Variants in TMEM94 observed in about 807,000 individuals in gnomAD.
TMEM94 encodes transmembrane protein 94, also known as ER Mg2+ ATPase.
A neutral mutation model predicts 158.6 loss-of-function variants in TMEM94; 81 were observed. The ratio of observed to expected loss-of-function variants is 0.51; its 90% confidence interval spans 0.43 to 0.61. TMEM94 has a LOEUF of 0.61. Ranked by LOEUF, TMEM94 falls within the 20% of genes least tolerant of loss-of-function variation. TMEM94 has a pLI of 0.00. For synonymous variants in TMEM94, 751 were observed against 730.7 expected (o/e 1.03, Z -0.45); for missense variants, 1,435 against 1,762.0 (o/e 0.81, Z 3.32).
chr17:75,478,681 C>T (rs1159110444), intron 2 of TMEM94, among the ~76,000 whole-genome samples: 1 of 152,212 alleles, frequency 6.6e-6, no homozygotes, highest in Non-Finnish European at 1.5e-5. Context: ...TTGCCTGCCT[C>T]TCCCGAGTCA....
chr17:75,498,559 G>A lies in TMEM94; in HGVS notation c.3733+21G>A. 1 of 1,612,548 alleles carries A rather than the reference G, an allele frequency of 6.2e-7. No homozygotes were observed. Among genetic ancestry groups the A allele is most frequent in the Non-Finnish European group, 8.5e-7 (1 of 1,179,298 alleles). The stretch of plus-strand genomic sequence containing the variant: ...CACTGGTGAGAGGGCTCCCTGGGAG[G>A]GCGTGGATGATGGTGGGAGAGGAGC... On this transcript the variant is annotated intron_variant, in intron 29 of 31. Coordinates refer to ENST00000314256, the MANE Select transcript of TMEM94 (RefSeq NM_014738.6). This position sits in a 1 kb window ranked among gnomAD's most constrained non-coding sequence, Gnocchi z 6.7.
intron 1 of TMEM94, among the ~76,000 whole-genome samples, chr17:75,461,315 A>G (rs987423161): frequency 1.3e-5 from 2 of 151,148 alleles, no homozygotes; most frequent in Non-Finnish European, 3.0e-5. Context: ...GGCCATGCTG[A>G]TGTCGAACTC....
chr17:75,493,575 C>G lies in TMEM94; in HGVS notation c.2171C>G (p.Pro724Arg), dbSNP rs906026248. The change falls in exon 17 of 32, where the codon CCT (proline) becomes CGT (arginine). Residue 724 changes from proline (P) to arginine (R), a missense_variant. Around this residue, in one of 3 missense-constraint regions of TMEM94, gnomAD observed 1,051 missense variants for 1,254.4 expected, o/e 0.84. Transcript: ENST00000314256. ...TTCTGGGACGGAGCTGACATCTACC[C>G]TCTCTCGGGATCTGACAGGTGGGTG... ...TDFWDGADIY[P>R]LSGSDRKKVL... The G allele has an allele frequency of 6.2e-7, 1 of 1,614,010 alleles. No individual in the cohort carries two copies. Among genetic ancestry groups the G allele is most frequent in the South Asian group, 1.1e-5 (1 of 91,084 alleles).
Position 75,498,317 on chromosome 17 carries a change from T to C in TMEM94, c.3632T>C (p.Leu1211Pro), listed in dbSNP as rs961712262. The change falls in exon 28 of 32, where the codon CTG becomes CCG. Residue 1211 changes from leucine to proline, a missense_variant. Transcript: ENST00000314256. This position sits in a 1 kb window ranked among gnomAD's most constrained non-coding sequence, Gnocchi z 6.7. ...RNLTNCSSVMLPSNDDRAPAW... is the reference protein window; with the variant it reads ...RNLTNCSSVMPPSNDDRAPAW... ...CTCACCAACTGCTCCTCCGTCATGC[T>C]GCCCAGGTGGGTCCCAGCCCCAGAG... 2.8e-5 allele frequency: 45 copies of C among 1,613,082 alleles called. No individual in the cohort carries two copies. The highest frequency in any genetic ancestry group is 3.7e-5 in the Non-Finnish European group (44 of 1,180,006).
chr17:75,498,576 G>A lies in TMEM94; in HGVS notation c.3733+38G>A. The A allele has an allele frequency of 1.2e-6, 2 of 1,612,930 alleles. No homozygotes were observed. Among genetic ancestry groups the A allele is most frequent in the South Asian group, 2.2e-5 (2 of 90,906 alleles). Reference sequence around the variant, plus strand: ...CCTGGGAGGGCGTGGATGATGGTGGGAGAGGAGCCCCACTGTGGAAGTCTG... The same window carrying A: ...CCTGGGAGGGCGTGGATGATGGTGGAAGAGGAGCCCCACTGTGGAAGTCTG... On this transcript the variant is annotated intron_variant, in intron 29 of 31. Transcript: ENST00000314256. This position sits in a 1 kb window ranked among gnomAD's most constrained non-coding sequence, Gnocchi z 6.7.
chr17:75,463,075 T>C (rs372012191), intron 1 of TMEM94, among the ~76,000 whole-genome samples: 3,500 of 16,656 alleles, frequency 0.21, 793 homozygotes, highest in Middle Eastern at 0.31. Flanking sequence ...TATATATATA[T>C]ATATACACAC....
At chr17:75,484,408 TG>T (rs1475927428) in intron 2 of TMEM94, among the ~76,000 whole-genome samples, 1 of 151,696 alleles carries the variant, frequency 6.6e-6, no homozygotes, top group Non-Finnish European at 1.5e-5. Flanking sequence ...TTTTTGTTGT[TG>T]TTTTTTTGAG....
rs1269005111 is a variant in TMEM94 at position 75,487,872 on chromosome 17, T to A, written c.410-60T>A. The A allele has an allele frequency of 4.2e-6, 6 of 1,444,428 alleles. No individual in the cohort carries two copies. The highest frequency in any genetic ancestry group is 4.6e-5 in the East Asian group (2 of 43,776). The allele number at this position is 1,444,428 out of a possible 1,614,324, so 89.5% of individuals were successfully genotyped here. A position where few individuals can be genotyped will look rare whatever the true frequency, so the allele number is the denominator to read the frequency against. ...CAGTGCTTCCGGAAGTGCTGCTGTA[T>A]CTGACTGGGGGGCAGGGCCGTGGCT... On this transcript the variant is annotated intron_variant, in intron 5 of 31. Transcript: ENST00000314256. The surrounding 1 kb of genome is among the most constrained non-coding windows in gnomAD (Gnocchi z 4.6).
chr17:75,497,898 G>C, intron 27 of TMEM94, 36 bp downstream of exon 27: 1 of 1,568,288 alleles, frequency 6.4e-7, no homozygotes, highest in Middle Eastern at 1.7e-4. Context: ...TTGCAAGTGA[G>C]CATGGAAGGG....
At position 75,493,889 on chromosome 17, in the gene TMEM94, G is replaced by A. The variant is rs200209004; in HGVS notation, c.2380G>A (p.Ala794Thr). 5.0e-5 allele frequency: 80 copies of A among 1,610,318 alleles called. No homozygotes were observed. The East Asian group carries it at 1.0e-3, about 20-fold the overall frequency. ...CAGCACCATCCCCATCAAGCAGAAC[G>A]CCCGCCGCAGCAGCTGGAGCTCTGA... ...LPSTIPIKQN[A>T]RRSSWSSDEG... is the part of the protein sequence containing the mutation. Residue 794 changes from alanine (A) to threonine (T), a missense_variant, in exon 18 of 32, where the codon GCC becomes ACC. Transcript: ENST00000314256.
At position 75,490,237 on chromosome 17, in the gene TMEM94, A is replaced by T; in HGVS notation, c.958A>T (p.Asn320Tyr). 6.2e-7 allele frequency: 1 copy of T among 1,613,980 alleles called. No individual in the cohort carries two copies. Among genetic ancestry groups the T allele is most frequent in the Non-Finnish European group, 8.5e-7 (1 of 1,179,984 alleles). The change falls in exon 10 of 32, where the codon AAT becomes TAT. Residue 320 changes from asparagine (N) to tyrosine (Y), a missense_variant. Coordinates refer to ENST00000314256, the MANE Select transcript of TMEM94 (RefSeq NM_014738.6). ...TGTGTGGTCCGCTCCTTCCCAGGTG[A>T]ATGGCGTCCTGCCCATCCTCCCCCT... ...WQYTLLQLQV[N>Y]GVLPILPLLF...
intron 1 of TMEM94, among the ~76,000 whole-genome samples, chr17:75,466,471 A>C (rs2050310579): frequency 6.6e-6 from 1 of 152,192 alleles, no homozygotes; most frequent in African/African-American, 2.4e-5. Flanking sequence ...TACAAATTTT[A>C]GAATCAGCTT....
rs757066519 is a variant in TMEM94 at position 75,493,909 on chromosome 17, C to T, written c.2400C>T (p.Ser800=). 6.2e-7 allele frequency: 1 copy of T among 1,611,406 alleles called. No individual in the cohort carries two copies. The highest frequency in any genetic ancestry group is 2.2e-5 in the East Asian group (1 of 44,870). The change falls in exon 18 of 32, where the codon AGC becomes AGT. Residue 800 remains serine (S), a synonymous_variant. Coordinates refer to ENST00000314256, the MANE Select transcript of TMEM94 (RefSeq NM_014738.6). ...IKQNARRSSW[S]SDEGIGEVLE... ...AGAACGCCCGCCGCAGCAGCTGGAG[C>T]TCTGACGGTACCTCATGGGTCTGTC...
In TMEM94 at chr17:75,492,354, T is replaced by C. The variant is rs1044196791; in HGVS notation, c.1597-120T>C. ...TGGAAGAGGGTGAGCAGCAGCTCTC[T>C]CCTGGGAAGGGTGCCTTTCAGGGGC... On this transcript the variant is annotated intron_variant, in intron 14 of 31. Transcript: ENST00000314256. This position sits in a 1 kb window ranked among gnomAD's most constrained non-coding sequence, Gnocchi z 4.4. The C allele has an allele frequency of 6.2e-5, 90 of 1,449,410 alleles. No individual in the cohort carries two copies. The East Asian group carries it at 2.2e-3, about 36-fold the overall frequency. The allele number at this position is 1,449,410 out of a possible 1,614,324, so 89.8% of individuals were successfully genotyped here.
Position 75,489,892 on chromosome 17 carries a change from A to G in TMEM94, c.954+230A>G. 1.7e-6 allele frequency: 1 copy of G among 586,292 alleles called. No homozygotes were observed. 36.3% of individuals were successfully genotyped at this position (586,292 alleles called of 1,614,324 possible). ...TCAAGAGATCGAGACCATCCTGGCC[A>G]ATATGGTGAAACCCCGTCTCTACTA... On this transcript the variant is annotated intron_variant, in intron 9 of 31. Transcript: ENST00000314256. The surrounding 1 kb of genome is among the most constrained non-coding windows in gnomAD (Gnocchi z 5.0).
At chr17:75,470,778 G>C (rs1235851188) in intron 1 of TMEM94, among the ~76,000 whole-genome samples, 2 of 151,258 alleles carry the variant, frequency 1.3e-5, no homozygotes, top group Non-Finnish European at 2.9e-5. Flanking sequence ...AATTAGCCGG[G>C]GATGCTGGTG....
At chr17:75,478,074 G>A (rs1310533098) in intron 2 of TMEM94, among the ~76,000 whole-genome samples, 1 of 115,430 alleles carries the variant, frequency 8.7e-6, no homozygotes, top group African/African-American at 3.4e-5. Context: ...GGAGTGCAGT[G>A]GCGGGATCTC....
At chr17:75,474,415 C>T (rs1473684620) in intron 2 of TMEM94, among the ~76,000 whole-genome samples, 2 of 149,984 alleles carry the variant, frequency 1.3e-5, no homozygotes, top group Non-Finnish European at 2.9e-5. Flanking sequence ...CCAAGGTGGG[C>T]AGATCACCTA....
chr17:75,494,925 A>C lies in TMEM94; in HGVS notation c.2619A>C (p.Thr873=). 1 of 1,613,472 alleles carries C rather than the reference A, an allele frequency of 6.2e-7. No homozygotes were observed. Among genetic ancestry groups the C allele is most frequent in the Non-Finnish European group, 8.5e-7 (1 of 1,180,016 alleles). Residue 873 remains threonine, a synonymous_variant, in exon 20 of 32, where the codon ACA becomes ACC. Coordinates refer to ENST00000314256, the MANE Select transcript of TMEM94 (RefSeq NM_014738.6). ...KVFAEKMGLE[T]GWNCHISLTP... is the part of the protein sequence containing the mutation. ...TTGCAGAAAAAATGGGCCTGGAGAC[A>C]GGCTGGAACTGCCACATCTCCCTCA...
Sources: gnomAD v4.1 joint callset for allele counts (sites outside exome capture counted in the v4.1 genomes callset) on GRCh38, gnomAD v4.1.1 for gene constraint, gnomAD v4.1.1 regional missense constraint, Gnocchi (gnomAD v3.1) non-coding constraint, MANE v1.5 for transcripts, NCBI Gene and HGNC (gene_info 2026-07-23, HGNC 2026-07-21) for gene names.